The following ADAM12 variants were observed in gnomAD, a reference collection of about 807,000 sequenced individuals.
The protein encoded by ADAM12 is disintegrin and metalloproteinase domain-containing protein 12.
ADAM12 carries 70 observed loss-of-function variants against 106.4 expected under a neutral mutation model. The observed-to-expected ratio is 0.66, with a 90% confidence interval of 0.54 to 0.80. The LOEUF (loss-of-function observed/expected upper bound fraction) is 0.80. Ranked by LOEUF, ADAM12 falls within the 30% of genes least tolerant of loss-of-function variation. The probability of loss-of-function intolerance (pLI) is 0.00; values close to 1 mark genes in which losing one functional copy is unlikely to be tolerated. For synonymous variants in ADAM12, 420 were observed against 433.5 expected, an observed-to-expected ratio of 0.97 and a Z score of 0.39; for missense variants, 1,010 against 1,171.9, an observed-to-expected ratio of 0.86 and a Z score of 2.02.
At chr10:126,184,818 C>T (rs988887787) in intron 3 of ADAM12, among the ~76,000 whole-genome samples, 3 of 152,148 alleles carry the variant, frequency 2.0e-5, no homozygotes, top group Admixed American at 6.6e-5. Flanking sequence ...CCTGCCTTTC[C>T]CTCTGCAAGT....
At chr10:126,362,174 A>G (rs767992565) in intron 1 of ADAM12, among the ~76,000 whole-genome samples, 3 of 152,170 alleles carry the variant, frequency 2.0e-5, no homozygotes, top group Non-Finnish European at 4.4e-5. Flanking sequence ...TGACCAACAG[A>G]TATATGAAAA....
intron 3 of ADAM12, among the ~76,000 whole-genome samples, chr10:126,276,488 G>T (rs542334513): frequency 6.6e-6 from 1 of 151,970 alleles, no homozygotes; most frequent in African/African-American, 2.4e-5. Flanking sequence ...TATTCATTGC[G>T]TCAAAGGTAT....
chr10:126,277,216 C>A (rs1212933916), intron 3 of ADAM12, among the ~76,000 whole-genome samples: 2 of 152,132 alleles, frequency 1.3e-5, no homozygotes, highest in Admixed American at 1.3e-4. Flanking sequence ...TCCCTTCCCC[C>A]CTATAATGTT....
At chr10:126,312,231 C>T (rs981044685) in intron 2 of ADAM12, among the ~76,000 whole-genome samples, 5 of 151,638 alleles carry the variant, frequency 3.3e-5, no homozygotes, top group South Asian at 2.1e-4. Context: ...AATGAGACGA[C>T]GTCAGAGAGG....
chr10:126,359,205 G>A (rs57033726), intron 1 of ADAM12, among the ~76,000 whole-genome samples: 5,110 of 152,224 alleles, frequency 0.034, 274 homozygotes, highest in African/African-American at 0.11. Context: ...AATTCAAGAT[G>A]AGATTTGGGT....
At chr10:126,020,992 C>CAAAAAA (rs3067295) in intron 21 of ADAM12, among the ~76,000 whole-genome samples, 245 of 98,286 alleles carry the variant, frequency 2.5e-3, no homozygotes, top group African/African-American at 7.3e-3. Context: ...GACTCTGTCT[C>CAAAAAA]AAAAAAAAAA....
At chr10:126,035,150 C>CAAAGTCATGGTGAGAA (rs1449677203) in intron 21 of ADAM12, among the ~76,000 whole-genome samples, 2 of 152,072 alleles carry the variant, frequency 1.3e-5, no homozygotes, top group African/African-American at 4.8e-5. Flanking sequence ...TTAGTGTTAG[C>CAAAGTCATGGTGAGAA]AAAGTCATGG....
At chr10:126,375,509 T>C (rs1395443321) in intron 1 of ADAM12, among the ~76,000 whole-genome samples, 1 of 152,118 alleles carries the variant, frequency 6.6e-6, no homozygotes, top group African/African-American at 2.4e-5. Flanking sequence ...AGTTACTGAC[T>C]ACCTTTGGAC....
intron 3 of ADAM12, among the ~76,000 whole-genome samples, chr10:126,276,932 G>C (rs1284811364): frequency 6.6e-6 from 1 of 152,086 alleles, no homozygotes; most frequent in Admixed American, 6.6e-5. Context: ...TTTTCAGGGG[G>C]AACCATGGAC....
chr10:126,141,398 A>G (rs1301783915), intron 4 of ADAM12, among the ~76,000 whole-genome samples: 1 of 152,144 alleles, frequency 6.6e-6, no homozygotes, highest in Non-Finnish European at 1.5e-5. Flanking sequence ...AAGACATTCT[A>G]TTTCTACCAA....
chr10:126,091,957 T>G (rs1955473365), intron 11 of ADAM12, among the ~76,000 whole-genome samples: 1 of 151,862 alleles, frequency 6.6e-6, no homozygotes, highest in Non-Finnish European at 1.5e-5. Flanking sequence ...GGATAGATGG[T>G]TGGATGGGTG....
In ADAM12 at chr10:126,051,524, G is replaced by T. The variant is rs11595088; in HGVS notation, c.1610-1855C>A. ...ACCCGTCCATCCATCCATCCATCCA[G>T]CCAGCCAGCCACCCATCCATCCATC... On this transcript the variant is annotated intron_variant, in intron 14 of 22. Coordinates refer to ENST00000448723, the MANE Select transcript of ADAM12 (RefSeq NM_001288973.2). Among the ~76,000 whole-genome samples, 92 of 121,136 alleles carry T rather than the reference G, an allele frequency of 7.6e-4. 1 individual carries two copies. Among genetic ancestry groups the T allele is most frequent in the South Asian group, 9.3e-4 (3 of 3,220 alleles). 79.5% of individuals were successfully genotyped at this position (121,136 alleles called of 152,430 possible).
intron 11 of ADAM12, among the ~76,000 whole-genome samples, chr10:126,088,720 AAAAC>A (rs1242189478): frequency 1.0e-5 from 1 of 95,256 alleles, no homozygotes; most frequent in Non-Finnish European, 2.0e-5. Context: ...TCAAAAAACA[AAAAC>A]AAAAAGAGAG....
chr10:126,173,948 A>C (rs545610361), intron 3 of ADAM12, among the ~76,000 whole-genome samples: 5 of 152,054 alleles, frequency 3.3e-5, no homozygotes, highest in Admixed American at 6.5e-5. Context: ...GCAAAAATAA[A>C]AATCATACAA....
At chr10:126,302,845 G>C (rs886694742) in intron 2 of ADAM12, among the ~76,000 whole-genome samples, 4 of 152,154 alleles carry the variant, frequency 2.6e-5, no homozygotes, top group African/African-American at 9.7e-5. Flanking sequence ...GTATTTTTGA[G>C]GCATAATGCA....
chr10:126,336,984 C>T (rs963592652), intron 1 of ADAM12, among the ~76,000 whole-genome samples: 2 of 152,124 alleles, frequency 1.3e-5, no homozygotes, highest in South Asian at 2.1e-4. Flanking sequence ...CACAGAGGGC[C>T]GGCAAGAGGA....
chr10:126,191,212 G>A (rs1249175179), intron 3 of ADAM12, among the ~76,000 whole-genome samples: 2 of 151,938 alleles, frequency 1.3e-5, no homozygotes, highest in African/African-American at 2.4e-5. Flanking sequence ...ATGTTAGTCA[G>A]GCTGGTATTG....
At chr10:126,024,422 A>G (rs1270274357) in intron 21 of ADAM12, among the ~76,000 whole-genome samples, 1 of 152,174 alleles carries the variant, frequency 6.6e-6, no homozygotes, top group African/African-American at 2.4e-5. Flanking sequence ...ATATTTTAAA[A>G]AATAACTTCA....
intron 3 of ADAM12, among the ~76,000 whole-genome samples, chr10:126,274,658 C>T (rs1272163650): frequency 1.3e-5 from 2 of 152,142 alleles, no homozygotes; most frequent in Non-Finnish European, 2.9e-5. Flanking sequence ...ATATCTTCAT[C>T]GAGATGGTCC....
Sources: allele counts gnomAD v4.1 joint callset (sites outside exome capture counted in the v4.1 genomes callset), GRCh38; gene constraint gnomAD v4.1.1; transcripts MANE v1.5; gene names NCBI Gene and HGNC (gene_info 2026-07-23, HGNC 2026-07-21).